Variants in SPIDR observed in about 807,000 individuals in gnomAD.
SPIDR encodes scaffold protein involved in DNA repair, also known as DNA repair-scaffolding protein.
Under a neutral mutation model 104.6 loss-of-function variants are expected in SPIDR, and 93 were observed. The observed-to-expected ratio is 0.89, with a 90% confidence interval of 0.75 to 1.06. The LOEUF is 1.06. SPIDR is among the 50% of genes least tolerant of loss of function. The probability of loss-of-function intolerance (pLI) is 0.00; values close to 1 mark genes in which losing one functional copy is unlikely to be tolerated. For missense variants in SPIDR, 1,154 were observed against 1,111.2 expected (o/e 1.04, Z -0.55); for synonymous variants, 431 against 416.9 (o/e 1.03, Z -0.41).
At chr8:47,447,190 G>A (rs542354325) in intron 8 of SPIDR, among the ~76,000 whole-genome samples, 1 of 152,276 alleles carries the variant, frequency 6.6e-6, no homozygotes, top group East Asian at 1.9e-4. Flanking sequence ...TTATGAATGA[G>A]CAAAGAAACT....
intron 8 of SPIDR, among the ~76,000 whole-genome samples, chr8:47,478,222 GAC>G (rs1373489039): frequency 1.3e-5 from 2 of 152,158 alleles, no homozygotes; most frequent in Non-Finnish European, 1.5e-5. Context: ...CCAGCCTGAC[GAC>G]AAACACACCT....
intron 7 of SPIDR, among the ~76,000 whole-genome samples, chr8:47,428,503 AAGGT>A: frequency 6.6e-6 from 1 of 152,286 alleles, no homozygotes; most frequent in Middle Eastern, 3.4e-3. Context: ...AAACCCAGAA[AAGGT>A]AGGTGTATGG....
chr8:47,511,386 G>A (rs982436485), intron 8 of SPIDR: 2 of 875,324 alleles, frequency 2.3e-6, no homozygotes, highest in Admixed American at 1.7e-5. Context: ...CCTCGCCAGT[G>A]AAGGCTTTGA....
intron 8 of SPIDR, among the ~76,000 whole-genome samples, chr8:47,550,910 A>G (rs2090350764): frequency 1.3e-5 from 2 of 152,202 alleles, no homozygotes; most frequent in African/African-American, 2.4e-5. Context: ...TGGGTTTGTC[A>G]TAAATAGCTC....
At chr8:47,382,256 G>A (rs782322432) in intron 5 of SPIDR, among the ~76,000 whole-genome samples, 1 of 152,168 alleles carries the variant, frequency 6.6e-6, no homozygotes. Context: ...GGACACTGCA[G>A]TTCAAGGGTA....
chr8:47,543,481 C>T (rs964648713), intron 8 of SPIDR, among the ~76,000 whole-genome samples: 1 of 152,200 alleles, frequency 6.6e-6, no homozygotes, highest in African/African-American at 2.4e-5. Flanking sequence ...GGGTGGCACA[C>T]TGCTGGCTGG....
chr8:47,563,780 A>G (rs1327561549), intron 8 of SPIDR, among the ~76,000 whole-genome samples: 1 of 152,200 alleles, frequency 6.6e-6, no homozygotes, highest in Non-Finnish European at 1.5e-5. Context: ...AGTTTTCAGA[A>G]GTTTTTAAGT....
intron 5 of SPIDR, among the ~76,000 whole-genome samples, chr8:47,366,187 G>A (rs2057176148): frequency 6.6e-6 from 1 of 152,134 alleles, no homozygotes; most frequent in African/African-American, 2.4e-5. Flanking sequence ...CTGCCTGAGA[G>A]AGCAGCTGAA....
rs1249671627 is a variant in SPIDR, at chr8:47,713,547, G to A, written c.2247G>A (p.Val749=). 3 of 1,614,136 alleles carry A rather than the reference G, an allele frequency of 1.9e-6. No homozygotes were observed. In the East Asian group the frequency reaches 6.7e-5, roughly 36 times the overall value. ...TGCTTCAGAAGCCCCTTTTGAGTGT[G>A]GTCTCTGGTGCAAGTTCCTGTGAGC... The part of the protein sequence containing the change: ...VLLLQKPLLS[V]VSGASSCELP... Residue 749 remains valine, a synonymous_variant, in exon 16 of 20, where the codon GTG becomes GTA. Coordinates refer to ENST00000297423, the MANE Select transcript of SPIDR (RefSeq NM_001080394.4).
At chr8:47,545,361 G>A (rs1291819735) in intron 8 of SPIDR, among the ~76,000 whole-genome samples, 3 of 151,750 alleles carry the variant, frequency 2.0e-5, no homozygotes. Context: ...GAGCCACTGT[G>A]CCCGGCCTTT....
intron 5 of SPIDR, among the ~76,000 whole-genome samples, chr8:47,366,531 C>G (rs2057243009): frequency 6.6e-6 from 1 of 152,134 alleles, no homozygotes; most frequent in Admixed American, 6.5e-5. Flanking sequence ...AAGTGTGTTT[C>G]AGAGTGGCGA....
chr8:47,680,175 G>A (rs915917739), intron 11 of SPIDR, among the ~76,000 whole-genome samples: 10 of 152,200 alleles, frequency 6.6e-5, no homozygotes, highest in Admixed American at 5.2e-4. Context: ...CTTTATCACG[G>A]ATGGCAAGAG....
chr8:47,587,017 G>C (rs1414530208), intron 8 of SPIDR, among the ~76,000 whole-genome samples: 2 of 152,174 alleles, frequency 1.3e-5, no homozygotes, highest in Admixed American at 1.3e-4. Flanking sequence ...TGATCCGTCA[G>C]CCTTGGCCTC....
At chr8:47,654,055 C>T (rs1032858032) in intron 10 of SPIDR, 24 of 1,289,330 alleles carry the variant, frequency 1.9e-5, no homozygotes, top group East Asian at 1.7e-4. Flanking sequence ...CAGATAGGGG[C>T]GTGGTAGCAG....
rs1416385878 is a variant in SPIDR, at chr8:47,658,853, T to C, written c.1545-14948T>C. On this transcript the variant is annotated intron_variant, in intron 10 of 19. Coordinates refer to ENST00000297423, the MANE Select transcript of SPIDR (RefSeq NM_001080394.4). Reference sequence around the variant, plus strand: ...CAGGAGGCTAAGGCAGGAGAATCGCTTGGACCGGCGAGGTGGAGATTGCAG... The same window carrying C: ...CAGGAGGCTAAGGCAGGAGAATCGCCTGGACCGGCGAGGTGGAGATTGCAG... Among the ~76,000 whole-genome samples, 4 of 151,406 alleles carry C rather than the reference T, an allele frequency of 2.6e-5. No individual in the cohort carries two copies. The East Asian group carries it at 7.8e-4, about 29-fold the overall frequency.
rs1256249571 is a variant in SPIDR at position 47,463,360 on chromosome 8, C to CA, written c.1097+22830dup. Among the ~76,000 whole-genome samples the CA allele has an allele frequency of 1.8e-3, 227 of 125,590 alleles. 2 individuals are homozygous for CA. The highest frequency in any genetic ancestry group is 3.9e-3 in the East Asian group (17 of 4,410). The allele number at this position is 125,590 out of a possible 152,430, so 82.4% of individuals were successfully genotyped here. ...TGGGTGACAGAGCAAGACTCCGTCT[C>CA]AAAAAAAAAAAAGGAAAAGAAAAAA... On this transcript the variant is annotated intron_variant, in intron 8 of 19. Coordinates refer to ENST00000297423, the MANE Select transcript of SPIDR (RefSeq NM_001080394.4).
intron 8 of SPIDR, among the ~76,000 whole-genome samples, chr8:47,457,311 A>G (rs1250112983): frequency 6.6e-6 from 1 of 152,148 alleles, no homozygotes; most frequent in Non-Finnish European, 1.5e-5. Context: ...TGCAGGAAGT[A>G]AGGTGGTACC....
intron 8 of SPIDR, among the ~76,000 whole-genome samples, chr8:47,470,916 A>G (rs2075605538): frequency 6.6e-6 from 1 of 151,954 alleles, no homozygotes; most frequent in South Asian, 2.1e-4. Flanking sequence ...TTGTATTTTT[A>G]GTAGAGACGG....
At chr8:47,322,510 T>G (rs7832841) in intron 5 of SPIDR, among the ~76,000 whole-genome samples, 41,689 of 152,002 alleles carry the variant, frequency 0.27, 5,903 homozygotes, top group South Asian at 0.44. Context: ...CTAGTTCAAC[T>G]ATTGTGGAAG....
Sources: allele counts gnomAD v4.1 joint callset (sites outside exome capture counted in the v4.1 genomes callset), GRCh38; gene constraint gnomAD v4.1.1; transcripts MANE v1.5; gene names NCBI Gene and HGNC (gene_info 2026-07-23, HGNC 2026-07-21).